Variants in FBN2 observed in about 807,000 individuals in gnomAD.
FBN2 encodes fibrillin-2.
A neutral mutation model predicts 355.6 loss-of-function variants in FBN2; 105 were observed. That is an observed-to-expected ratio of 0.30 (90% CI 0.25 to 0.35). The LOEUF is 0.35. Among genes scored for constraint, FBN2 ranks in the 10% least tolerant of loss-of-function variants. The pLI, the probability that FBN2 is intolerant of heterozygous loss-of-function variation, is 1.00. For missense variants in FBN2, 3,280 were observed against 3,758.7 expected (o/e 0.87, Z 3.33); for synonymous variants, 1,350 against 1,301.2 (o/e 1.04, Z -0.81).
At chr5:128,508,650 C>T (rs554972059) in intron 5 of FBN2, among the ~76,000 whole-genome samples, 1 of 152,080 alleles carries the variant, frequency 6.6e-6, no homozygotes, top group Non-Finnish European at 1.5e-5. Context: ...TATATATTTA[C>T]CCACATAGTT....
intron 6 of FBN2, among the ~76,000 whole-genome samples, chr5:128,462,209 A>C (rs1244719283): frequency 6.6e-6 from 1 of 152,112 alleles, no homozygotes; most frequent in African/African-American, 2.4e-5. Flanking sequence ...ACATAGTTGA[A>C]ATTTATTTTT....
intron 8 of FBN2, among the ~76,000 whole-genome samples, chr5:128,395,510 T>G (rs978263644): frequency 1.1e-4 from 16 of 152,230 alleles, no homozygotes; most frequent in African/African-American, 3.4e-4. Flanking sequence ...CAGGCAATTC[T>G]GAAGCTTGAA....
In FBN2 at chr5:128,259,377, A is replaced by G; in HGVS notation, c.*78T>C. The G allele has an allele frequency of 6.5e-7, 1 of 1,531,662 alleles. No homozygotes were observed. Among genetic ancestry groups the G allele is most frequent in the Non-Finnish European group, 9.0e-7 (1 of 1,107,122 alleles). The allele number at this position is 1,531,662 out of a possible 1,614,324, so 94.9% of individuals were successfully genotyped here. A position where few individuals can be genotyped will look rare whatever the true frequency, so the allele number is the denominator to read the frequency against. ...AGTTATTATTATTTTTCCTCTTTAAAATTAGTCCTTGACTTTTCAAATGCT... is the reference window on the plus strand; with the variant it reads ...AGTTATTATTATTTTTCCTCTTTAAGATTAGTCCTTGACTTTTCAAATGCT... On this transcript the variant is annotated 3_prime_UTR_variant, in exon 65 of 65. Coordinates refer to ENST00000262464, the MANE Select transcript of FBN2 (RefSeq NM_001999.4).
rs141088981 is a variant in FBN2 at position 128,464,814 on chromosome 5, C to T, written c.736G>A (p.Ala246Thr). ...KTLCCATIGR[A>T]WGHPCEMCPA... ...CACATCTCACAGGGATGGCCCCACG[C>T]CCGTCCAATGGTGGCACAGCACAGA... Residue 246 changes from alanine (A) to threonine (T), a missense_variant, in exon 6 of 65, where the codon GCG becomes ACG. This residue lies in a region of FBN2 where 130 missense variants were observed against 189.9 expected (regional missense o/e 0.68). Coordinates refer to ENST00000262464, the MANE Select transcript of FBN2 (RefSeq NM_001999.4). 7 of 1,614,248 alleles carry T rather than the reference C, an allele frequency of 4.3e-6. No individual in the cohort carries two copies. Among genetic ancestry groups the T allele is most frequent in the Non-Finnish European group, 5.9e-6 (7 of 1,180,046 alleles).
At chr5:128,379,514 A>T (rs769339116) in intron 11 of FBN2, among the ~76,000 whole-genome samples, 1 of 152,114 alleles carries the variant, frequency 6.6e-6, no homozygotes, top group Non-Finnish European at 1.5e-5. Context: ...TTTCTTTAGG[A>T]TCTTAAAATT....
intron 18 of FBN2, among the ~76,000 whole-genome samples, chr5:128,363,671 G>A (rs562550426): frequency 2.0e-5 from 3 of 152,136 alleles, no homozygotes; most frequent in African/African-American, 2.4e-5. Flanking sequence ...CAACATGACC[G>A]GTGTCCATGT....
intron 6 of FBN2, among the ~76,000 whole-genome samples, chr5:128,463,430 A>G (rs1455351979): frequency 6.6e-6 from 1 of 152,176 alleles, no homozygotes; most frequent in African/African-American, 2.4e-5. Flanking sequence ...CACAGCTCAC[A>G]TATGTGAGCT....
At chr5:128,377,651 A>G (rs1752113436) in intron 13 of FBN2, 101 bp downstream of exon 13, 1 of 1,215,828 alleles carries the variant, frequency 8.2e-7, no homozygotes, top group Non-Finnish European at 1.2e-6. Context: ...TGAAGATCTC[A>G]CATACGTGGT....
At chr5:128,524,339 T>C (rs1237699649) in intron 4 of FBN2, among the ~76,000 whole-genome samples, 2 of 152,172 alleles carry the variant, frequency 1.3e-5, no homozygotes, top group Non-Finnish European at 2.9e-5. Flanking sequence ...TCTCTCCCTC[T>C]TACCCTGCTT....
At chr5:128,370,234 G>C (rs1053116339) in intron 15 of FBN2, among the ~76,000 whole-genome samples, 3 of 152,074 alleles carry the variant, frequency 2.0e-5, no homozygotes, top group Non-Finnish European at 2.9e-5. Flanking sequence ...AGATCATAAA[G>C]GGCAGAGAAC....
intron 5 of FBN2, among the ~76,000 whole-genome samples, chr5:128,480,868 G>A (rs933933909): frequency 4.6e-5 from 7 of 152,088 alleles, no homozygotes; most frequent in Admixed American, 2.0e-4. Flanking sequence ...CAGTGATATC[G>A]CAAGACTAAA....
At chr5:128,441,097 G>A (rs1486301825) in intron 7 of FBN2, among the ~76,000 whole-genome samples, 1 of 152,156 alleles carries the variant, frequency 6.6e-6, no homozygotes, top group Non-Finnish European at 1.5e-5. Context: ...CAGAAATGAA[G>A]GTCAAGGCTC....
chr5:128,392,252 A>G, intron 10 of FBN2, 97 bp from the exon 11 acceptor site: 2 of 1,013,526 alleles, frequency 2.0e-6, no homozygotes, highest in East Asian at 5.1e-5. Flanking sequence ...AATTAATTAG[A>G]TGTATATCAG....
At chr5:128,516,747 G>A (rs533635974) in intron 5 of FBN2, among the ~76,000 whole-genome samples, 1 of 152,086 alleles carries the variant, frequency 6.6e-6, no homozygotes, top group African/African-American at 2.4e-5. Flanking sequence ...AACGCTAACA[G>A]GGCACATGAG....
chr5:128,535,665 T>A (rs1029598086), intron 2 of FBN2, among the ~76,000 whole-genome samples: 1 of 152,194 alleles, frequency 6.6e-6, no homozygotes, highest in Non-Finnish European at 1.5e-5. Context: ...GGAGAACTGG[T>A]TATACACTTT....
intron 15 of FBN2, among the ~76,000 whole-genome samples, chr5:128,372,841 G>T (rs571083803): frequency 2.0e-5 from 3 of 152,064 alleles, no homozygotes; most frequent in Non-Finnish European, 4.4e-5. Context: ...TGGCCAGACT[G>T]GTCTTGAACT....
At chr5:128,337,536 G>T (rs113115206) in intron 27 of FBN2, among the ~76,000 whole-genome samples, 1 of 152,186 alleles carries the variant, frequency 6.6e-6, no homozygotes, top group Admixed American at 6.5e-5. Flanking sequence ...CAGAGCTCAG[G>T]GCAAATGAGG....
chr5:128,260,888 G>A (rs539145164), intron 64 of FBN2, among the ~76,000 whole-genome samples: 1 of 152,262 alleles, frequency 6.6e-6, no homozygotes, highest in South Asian at 2.1e-4. Context: ...AGAGAGTGGT[G>A]AGTGACGACC....
At chr5:128,411,874 G>A (rs551706877) in intron 7 of FBN2, among the ~76,000 whole-genome samples, 1 of 152,278 alleles carries the variant, frequency 6.6e-6, no homozygotes, top group East Asian at 1.9e-4. Context: ...TGTTCAGAAG[G>A]ATACATGCAT....
Sources: gnomAD v4.1 joint callset for allele counts (sites outside exome capture counted in the v4.1 genomes callset) on GRCh38, gnomAD v4.1.1 for gene constraint, gnomAD v4.1.1 regional missense constraint, MANE v1.5 for transcripts, NCBI Gene and HGNC (gene_info 2026-07-23, HGNC 2026-07-21) for gene names.